VPS54: variants seen among roughly 807,000 people sequenced by gnomAD.
VPS54 encodes VPS54 subunit of GARP complex, also known as vacuolar protein sorting-associated protein 54.
Under a neutral mutation model 121.5 loss-of-function variants are expected in VPS54, and 45 were observed. That is an observed-to-expected ratio of 0.37 (90% CI 0.29 to 0.47). VPS54 has a LOEUF of 0.47. VPS54 is among the 20% of genes least tolerant of loss of function. VPS54 has a pLI of 0.99. For missense variants in VPS54, 1,090 were observed against 1,131.4 expected (o/e 0.96, Z 0.52); for synonymous variants, 371 against 385.8 (o/e 0.96, Z 0.45).
Position 63,933,664 on chromosome 2 carries a change from T to C in VPS54, c.1739+9A>G, listed in dbSNP as rs1002820626. ...ATCTTGTCAATTTGGCAGTAGCCAC[T>C]ATACTCACATAATATCCACACCTCC... On this transcript the variant is annotated intron_variant, in intron 12 of 22. Coordinates refer to ENST00000272322, the MANE Select transcript of VPS54 (RefSeq NM_016516.3). The C allele has an allele frequency of 3.1e-6, 5 of 1,605,190 alleles. No individual in the cohort carries two copies. Among genetic ancestry groups the C allele is most frequent in the African/African-American group, 1.3e-5 (1 of 74,962 alleles).
At chr2:63,956,120 T>C (rs557523428) in intron 7 of VPS54, among the ~76,000 whole-genome samples, 7 of 152,300 alleles carry the variant, frequency 4.6e-5, no homozygotes, top group Admixed American at 1.3e-4. Context: ...AAACCTTGTA[T>C]ATCAATAAAC....
rs148033619 is a variant in VPS54 at position 63,897,465 on chromosome 2, G to T, written c.2828+31C>A. 424 of 1,370,974 alleles carry T rather than the reference G, an allele frequency of 3.1e-4. No homozygotes were observed. The African/African-American group carries it at 5.5e-3, about 18-fold the overall frequency. 84.9% of individuals were successfully genotyped at this position (1,370,974 alleles called of 1,614,324 possible). A position where few individuals can be genotyped will look rare whatever the true frequency, so the allele number is the denominator to read the frequency against. ...TGATCATTAAAACAATTCGATATGG[G>T]AGTATATGGTGAAAACGTTAAAAAA... On this transcript the variant is annotated intron_variant, in intron 22 of 22. Transcript: ENST00000272322.
intron 15 of VPS54, among the ~76,000 whole-genome samples, chr2:63,917,869 C>A (rs959354921): frequency 3.3e-5 from 5 of 151,928 alleles, no homozygotes; most frequent in African/African-American, 9.7e-5. Flanking sequence ...TGCTTAACCT[C>A]TTTGTGCCTT....
Position 63,893,253 on chromosome 2 carries a change from T to G in VPS54, c.*177A>C. 1.4e-6 allele frequency: 1 copy of G among 703,598 alleles called. No individual in the cohort carries two copies. Among genetic ancestry groups the G allele is most frequent in the Non-Finnish European group, 2.6e-6 (1 of 384,942 alleles). 43.6% of individuals were successfully genotyped at this position (703,598 alleles called of 1,614,324 possible). ...CACTGTAGGATGCACAAAAATGACA[T>G]TCCTTGTAGATCCCACTGAATCCAG... On this transcript the variant is annotated 3_prime_UTR_variant, in exon 23 of 23. Transcript: ENST00000272322.
intron 11 of VPS54, among the ~76,000 whole-genome samples, chr2:63,938,534 G>A (rs984707801): frequency 2.0e-5 from 3 of 151,298 alleles, no homozygotes; most frequent in Non-Finnish European, 2.9e-5. Context: ...GCACAATCTT[G>A]GCTCACTGCA....
intron 7 of VPS54, among the ~76,000 whole-genome samples, chr2:63,955,951 T>G (rs1675473227): frequency 6.6e-6 from 1 of 152,100 alleles, no homozygotes; most frequent in African/African-American, 2.4e-5. Flanking sequence ...TCTACTGAAA[T>G]GACAACTAAA....
At chr2:63,913,157 AC>A in intron 18 of VPS54, 65 bp downstream of exon 18, 6 of 1,338,600 alleles carry the variant, frequency 4.5e-6, no homozygotes, top group Non-Finnish European at 6.1e-6. Context: ...GTATAAAAAA[AC>A]ATGATGAGAA....
rs372910675 is a variant in VPS54 at position 64,012,408 on chromosome 2, G to C, written c.-21+6530C>G. Among the ~76,000 whole-genome samples the C allele has an allele frequency of 1.8e-4, 26 of 142,718 alleles. 1 individual carries two copies. In the East Asian group the frequency reaches 5.3e-3, roughly 29 times the overall value. The allele number at this position is 142,718 out of a possible 152,430, so 93.6% of individuals were successfully genotyped here. Reference sequence around the variant, plus strand: ...GGAACATTTTCATCACTCTCCTCAAGTCCCCTAGCCTACTTCCAACAACGC... The same window carrying C: ...GGAACATTTTCATCACTCTCCTCAACTCCCCTAGCCTACTTCCAACAACGC... On this transcript the variant is annotated intron_variant, in intron 1 of 22. Coordinates refer to ENST00000272322, the MANE Select transcript of VPS54 (RefSeq NM_016516.3).
intron 1 of VPS54, among the ~76,000 whole-genome samples, chr2:63,999,506 T>C (rs1404589890): frequency 1.4e-5 from 2 of 145,046 alleles, no homozygotes; most frequent in African/African-American, 5.2e-5. Flanking sequence ...CTCTTGCTCC[T>C]TTTAGTATCC....
intron 21 of VPS54, among the ~76,000 whole-genome samples, chr2:63,899,099 C>T (rs897396004): frequency 2.0e-5 from 3 of 152,136 alleles, no homozygotes; most frequent in African/African-American, 7.2e-5. Flanking sequence ...TAATTCTTTC[C>T]ATATCCAATT....
At position 63,984,143 on chromosome 2, in the gene VPS54, A is replaced by G. The variant is rs145100396; in HGVS notation, c.-20-124T>C. The G allele has an allele frequency of 1.5e-5, 12 of 783,422 alleles. No individual in the cohort carries two copies. In the East Asian group the frequency reaches 3.2e-4, roughly 21 times the overall value. The allele number at this position is 783,422 out of a possible 1,614,324, so 48.5% of individuals were successfully genotyped here. A position where few individuals can be genotyped will look rare whatever the true frequency, so the allele number is the denominator to read the frequency against. On this transcript the variant is annotated intron_variant, in intron 1 of 22. Transcript: ENST00000272322. ...AAATACCTCAAAGTAGGCAATTTGA[A>G]TATTTGCTCTTAATTGGGAAAATTG...
chr2:64,011,738 G>A (rs1016536994), intron 1 of VPS54, among the ~76,000 whole-genome samples: 13 of 152,098 alleles, frequency 8.5e-5, no homozygotes, highest in Admixed American at 2.0e-4. Flanking sequence ...ATTTTTGTCA[G>A]TCAAAATGAA....
At chr2:63,895,359 C>T (rs978227437) in intron 22 of VPS54, among the ~76,000 whole-genome samples, 2 of 152,114 alleles carry the variant, frequency 1.3e-5, no homozygotes, top group Non-Finnish European at 2.9e-5. Context: ...GAGGCTGAGG[C>T]AGGAGAATTG....
At chr2:63,899,158 A>C (rs1192319200) in intron 21 of VPS54, among the ~76,000 whole-genome samples, 2 of 152,164 alleles carry the variant, frequency 1.3e-5, no homozygotes, top group African/African-American at 4.8e-5. Flanking sequence ...ATAAAGGCCA[A>C]CTCTAATTTT....
At chr2:64,012,770 C>T (rs1007137143) in intron 1 of VPS54, among the ~76,000 whole-genome samples, 2 of 151,878 alleles carry the variant, frequency 1.3e-5, no homozygotes, top group East Asian at 1.9e-4. Flanking sequence ...CCAGCTACTA[C>T]TTCTCACCTC....
At chr2:63,972,342 A>G (rs1378966286) in intron 3 of VPS54, 98 bp from the exon 4 acceptor site, 1 of 799,612 alleles carries the variant, frequency 1.3e-6, no homozygotes, top group Non-Finnish European at 1.9e-6. Context: ...ATGCCAAATT[A>G]GTCCTACGAC....
chr2:63,932,637 C>T (rs1235584342), intron 12 of VPS54, among the ~76,000 whole-genome samples: 1 of 150,530 alleles, frequency 6.6e-6, no homozygotes, highest in Non-Finnish European at 1.5e-5. Flanking sequence ...CACATGTAAC[C>T]CAGAACTTAA....
chr2:63,928,748 C>G (rs1462548357), intron 12 of VPS54, among the ~76,000 whole-genome samples: 1 of 150,612 alleles, frequency 6.6e-6, no homozygotes, highest in Non-Finnish European at 1.5e-5. Flanking sequence ...CATCGGTGTG[C>G]TACATTCAGG....
intron 12 of VPS54, among the ~76,000 whole-genome samples, chr2:63,930,076 C>T (rs1674113947): frequency 6.6e-6 from 1 of 151,222 alleles, no homozygotes; most frequent in Admixed American, 6.6e-5. Context: ...CTGAATTCTA[C>T]CAGAGGTACG....
Sources: gnomAD v4.1 joint callset for allele counts (sites outside exome capture counted in the v4.1 genomes callset) on GRCh38, gnomAD v4.1.1 for gene constraint, MANE v1.5 for transcripts, NCBI Gene and HGNC (gene_info 2026-07-23, HGNC 2026-07-21) for gene names.